MCF2L2: variants seen among roughly 807,000 people sequenced by gnomAD.
The protein encoded by MCF2L2 is MCF.2 cell line derived transforming sequence-like 2.
Under a neutral mutation model 150.2 loss-of-function variants are expected in MCF2L2, and 102 were observed. The ratio of observed to expected loss-of-function variants is 0.68; its 90% CI spans 0.58 to 0.80. The LOEUF (loss-of-function observed/expected upper bound fraction) is 0.80, where lower values mean the gene tolerates loss of function less well. Ranked by LOEUF, MCF2L2 falls within the 30% of genes least tolerant of loss-of-function variation. The pLI is 0.00. For synonymous variants in MCF2L2, 465 were observed against 491.3 expected, an observed-to-expected ratio of 0.95 and a Z score of 0.71; for missense variants, 1,256 against 1,372.8, an observed-to-expected ratio of 0.91 and a Z score of 1.34.
At chr3:183,254,492 C>G (rs1044701417) in intron 15 of MCF2L2, 2 of 152,136 alleles carry the variant, frequency 1.3e-5, no homozygotes, top group Admixed American at 1.3e-4. Context: ...GGGCCGCCGC[C>G]CAGGTGCGGC....
At chr3:183,412,309 G>C (rs776262352) in intron 1 of MCF2L2, among the ~76,000 whole-genome samples, 1 of 149,314 alleles carries the variant, frequency 6.7e-6, no homozygotes. Flanking sequence ...TGTTGTTGTT[G>C]TTTGAGACAG....
At chr3:183,360,884 G>A (rs542068675) in intron 3 of MCF2L2, among the ~76,000 whole-genome samples, 8 of 151,466 alleles carry the variant, frequency 5.3e-5, no homozygotes, top group South Asian at 2.1e-4. Context: ...CAGGAGAATC[G>A]TTTGAATCCG....
At position 183,297,327 on chromosome 3, in the gene MCF2L2, A is replaced by C. The variant is rs932057425; in HGVS notation, c.1306-160T>G. On this transcript the variant is annotated intron_variant, in intron 11 of 29. Transcript: ENST00000328913. ...GAGTTTAAGGGGTCTAACCACTGTA[A>C]ATTACACTATGAGGGGGACAAACCC... is the stretch of plus-strand genomic sequence containing the variant. 78 of 633,288 alleles carry C rather than the reference A, an allele frequency of 1.2e-4. No homozygotes were observed. The Admixed American group carries it at 2.0e-3, about 16-fold the overall frequency. The allele number at this position is 633,288 out of a possible 1,614,324, so 39.2% of individuals were successfully genotyped here. A position where few individuals can be genotyped will look rare whatever the true frequency, so the allele number is the denominator to read the frequency against.
Position 183,195,230 on chromosome 3 carries a change from C to A in MCF2L2, c.2910G>T (p.Met970Ile). The A allele has an allele frequency of 6.2e-7, 1 of 1,605,150 alleles. No individual in the cohort carries two copies. Among genetic ancestry groups the A allele is most frequent in the Non-Finnish European group, 8.5e-7 (1 of 1,177,190 alleles). The change falls in exon 26 of 30, where the codon ATG (methionine) becomes ATT (isoleucine). Residue 970 changes from methionine (M) to isoleucine (I), a missense_variant. Met to Ile is a conservative substitution (Grantham distance 10, BLOSUM62 1). Coordinates refer to ENST00000328913, the MANE Select transcript of MCF2L2 (RefSeq NM_015078.4). ...AAAAAATCAGTACTCACCTCGTGCTCATTTCAAACTGTGGATTTCCTTGGT... is the reference window on the plus strand; with the variant it reads ...AAAAAATCAGTACTCACCTCGTGCTAATTTCAAACTGTGGATTTCCTTGGT... ...IKDQGNPQFE[M>I]STSKGSGAGS...
chr3:183,248,928 C>A (rs948876079), intron 15 of MCF2L2, among the ~76,000 whole-genome samples: 17 of 152,332 alleles, frequency 1.1e-4, no homozygotes, highest in African/African-American at 3.6e-4. Context: ...ATTCCCAACA[C>A]AAATGATCGC....
intron 25 of MCF2L2, among the ~76,000 whole-genome samples, chr3:183,196,918 G>A (rs544726715): frequency 5.9e-5 from 9 of 152,034 alleles, no homozygotes; most frequent in Non-Finnish European, 8.8e-5. Flanking sequence ...ATCTCTTTCC[G>A]AATTGTCAAC....
intron 3 of MCF2L2, among the ~76,000 whole-genome samples, chr3:183,351,468 G>A (rs1711503544): frequency 6.6e-6 from 1 of 151,918 alleles, no homozygotes; most frequent in East Asian, 1.9e-4. Flanking sequence ...AATGTAGGGT[G>A]ACAAACCATC....
intron 20 of MCF2L2, among the ~76,000 whole-genome samples, chr3:183,222,410 C>G (rs761800829): frequency 2.4e-4 from 36 of 152,218 alleles, no homozygotes; most frequent in Non-Finnish European, 4.0e-4. Flanking sequence ...ATTAGCCAGG[C>G]ATGGCGGCGC....
intron 15 of MCF2L2, among the ~76,000 whole-genome samples, chr3:183,259,614 A>G (rs550204165): frequency 6.6e-6 from 1 of 151,898 alleles, no homozygotes; most frequent in African/African-American, 2.4e-5. Context: ...TCTGTGTCTG[A>G]CTCCTCGCCT....
chr3:183,311,801 A>C, intron 7 of MCF2L2, 29 bp from the exon 8 acceptor site: 1 of 1,600,398 alleles, frequency 6.2e-7, no homozygotes, highest in Non-Finnish European at 8.5e-7. Context: ...CTCTCTTAGA[A>C]CGAATTAGAA....
chr3:183,242,727 T>C (rs1724085255), intron 15 of MCF2L2, among the ~76,000 whole-genome samples: 1 of 152,158 alleles, frequency 6.6e-6, no homozygotes, highest in African/African-American at 2.4e-5. Context: ...ACTGGGACAC[T>C]GCTTGGTGGA....
intron 3 of MCF2L2, among the ~76,000 whole-genome samples, chr3:183,345,225 C>T (rs1055248304): frequency 6.6e-6 from 1 of 152,124 alleles, no homozygotes; most frequent in Non-Finnish European, 1.5e-5. Context: ...CAGTCTCTCA[C>T]ACCACAGTGC....
At position 183,352,248 on chromosome 3, in the gene MCF2L2, C is replaced by T. The variant is rs532230690; in HGVS notation, c.276-10618G>A. The stretch of plus-strand genomic sequence containing the variant: ...AGAATGGACTAAAGGTGAAGCCGGG[C>T]GTGGTGGCTCACACCTGTAATCCCA... On this transcript the variant is annotated intron_variant, in intron 3 of 29. Transcript: ENST00000328913. Among the ~76,000 whole-genome samples, 5 of 152,224 alleles carry T rather than the reference C, an allele frequency of 3.3e-5. 1 individual carries two copies. The South Asian group carries it at 6.2e-4, about 19-fold the overall frequency.
At chr3:183,297,246 T>G (rs750385121) in intron 11 of MCF2L2, 79 bp from the exon 12 acceptor site, 21 of 1,240,682 alleles carry the variant, frequency 1.7e-5, no homozygotes, top group Non-Finnish European at 2.3e-5. Context: ...AGGTCTGAGC[T>G]TGTAAGGTGT....
chr3:183,213,039 A>C (rs1165318703), intron 22 of MCF2L2, among the ~76,000 whole-genome samples: 5 of 152,142 alleles, frequency 3.3e-5, no homozygotes, highest in African/African-American at 1.2e-4. Flanking sequence ...CTCTGCAGCT[A>C]ACACTGTGGT....
At chr3:183,259,689 C>T (rs1379491831) in intron 15 of MCF2L2, among the ~76,000 whole-genome samples, 2 of 152,078 alleles carry the variant, frequency 1.3e-5, no homozygotes, top group Non-Finnish European at 2.9e-5. Context: ...GCCTCCTCTC[C>T]TTCCTTCCAC....
rs549511703 is a variant in MCF2L2 at position 183,420,723 on chromosome 3, G to A, written c.76+7179C>T. ...TTATAATCGTGACAGAAGGCAAAGG[G>A]GAAGTAAGGCACATCTTCGCAAGGC... On this transcript the variant is annotated intron_variant, in intron 1 of 29. Transcript: ENST00000328913. 3.9e-5 allele frequency among the ~76,000 whole-genome samples: 6 copies of A among 152,210 alleles called. No individual in the cohort carries two copies. The East Asian group carries it at 5.8e-4, about 15-fold the overall frequency.
chr3:183,184,258 T>G (rs548732401), intron 27 of MCF2L2, among the ~76,000 whole-genome samples: 26 of 152,352 alleles, frequency 1.7e-4, no homozygotes, highest in Admixed American at 1.5e-3. Flanking sequence ...TCTCAGGTGA[T>G]CCACCTGCCT....
At chr3:183,201,480 T>C (rs1722281567) in intron 25 of MCF2L2, among the ~76,000 whole-genome samples, 1 of 152,252 alleles carries the variant, frequency 6.6e-6, no homozygotes, top group South Asian at 2.1e-4. Context: ...TGATTTTGTA[T>C]ACTGAGACTT....
Sources: gnomAD v4.1 joint callset for allele counts (sites outside exome capture counted in the v4.1 genomes callset) on GRCh38, gnomAD v4.1.1 for gene constraint, MANE v1.5 for transcripts, NCBI Gene and HGNC (gene_info 2026-07-23, HGNC 2026-07-21) for gene names.